RTL4: variants seen among roughly 807,000 people sequenced by gnomAD.
RTL4 encodes the protein retrotransposon Gag-like protein 4.
A neutral mutation model predicts 5.3 loss-of-function variants in RTL4; 4 were observed. The ratio of observed to expected loss-of-function variants is 0.75; its 90% CI spans 0.37 to 1.72. The LOEUF (loss-of-function observed/expected upper bound fraction) is 1.72. Ranked by LOEUF, RTL4 falls within the 40% of genes most tolerant of loss-of-function variation. The pLI is 0.04. For missense variants in RTL4, 260 were observed against 227.1 expected (o/e 1.14, Z -0.93); for synonymous variants, 98 against 87.3 (o/e 1.12, Z -0.68).
chrX:112,171,209 CT>C, the RTL4 span, among the ~76,000 whole-genome samples: 1 of 110,962 alleles, frequency 9.0e-6, no homozygotes, highest in East Asian at 2.8e-4. Context: ...CTGAAGTTTT[CT>C]TTTTTTGATT....
the RTL4 span, among the ~76,000 whole-genome samples, chrX:112,165,507 T>G: frequency 9.0e-6 from 1 of 111,486 alleles, no homozygotes; most frequent in Admixed American, 9.5e-5. Context: ...CCAATCAGCT[T>G]GAATCACCTA....
the RTL4 span, among the ~76,000 whole-genome samples, chrX:112,338,330 T>C: frequency 8.9e-6 from 1 of 111,922 alleles, no homozygotes; most frequent in Non-Finnish European, 1.9e-5. Context: ...TTTCAGAATC[T>C]CCTGCTCCCA....
chrX:112,264,181 T>A, the RTL4 span, among the ~76,000 whole-genome samples: 1 of 111,919 alleles, frequency 8.9e-6, no homozygotes, highest in Admixed American at 9.5e-5. Context: ...CTACTACTAC[T>A]AGTAATAAAT....
At chrX:112,352,096 G>A in the RTL4 span, among the ~76,000 whole-genome samples, 8 of 110,995 alleles carry the variant, frequency 7.2e-5, no homozygotes, top group Admixed American at 7.7e-4. Flanking sequence ...TTGCTTGTCT[G>A]TAAAGTATTT....
the RTL4 span, among the ~76,000 whole-genome samples, chrX:112,098,312 G>A: frequency 4.5e-5 from 5 of 110,854 alleles, no homozygotes; most frequent in African/African-American, 1.3e-4. Context: ...TGGCTGCATA[G>A]TATTCCATGG....
At chrX:112,284,292 GA>G in the RTL4 span, among the ~76,000 whole-genome samples, 82 of 105,696 alleles carry the variant, frequency 7.8e-4, no homozygotes, top group East Asian at 5.8e-3. Flanking sequence ...TGATATATGT[GA>G]AAAAAAAAAG....
At chrX:112,395,635 C>T in the RTL4 span, among the ~76,000 whole-genome samples, 1 of 111,568 alleles carries the variant, frequency 9.0e-6, no homozygotes, top group Non-Finnish European at 1.9e-5. Context: ...TTTTCGTAGA[C>T]TTGCCTATCT....
the RTL4 span, among the ~76,000 whole-genome samples, chrX:112,218,468 C>T: frequency 1.8e-5 from 2 of 111,937 alleles, no homozygotes; most frequent in Non-Finnish European, 1.9e-5. Flanking sequence ...TTATTTGTTT[C>T]CCAGTCTTCC....
At chrX:112,428,633 C>T in the RTL4 span, among the ~76,000 whole-genome samples, 1 of 111,624 alleles carries the variant, frequency 9.0e-6, no homozygotes, top group Admixed American at 9.5e-5. Context: ...ATCCTGCTGT[C>T]AGGTGAATTT....
chrX:112,193,480 G>T, the RTL4 span, among the ~76,000 whole-genome samples: 1 of 111,138 alleles, frequency 9.0e-6, no homozygotes, highest in Non-Finnish European at 1.9e-5. Flanking sequence ...CTTCTCTCTT[G>T]TTGCTTTCAA....
the RTL4 span, among the ~76,000 whole-genome samples, chrX:112,307,160 G>A: frequency 8.9e-6 from 1 of 112,179 alleles, no homozygotes. Flanking sequence ...GCAAAGAGCT[G>A]ATAATAGCTA....
chrX:112,241,162 C>T, the RTL4 span, among the ~76,000 whole-genome samples: 364 of 110,761 alleles, frequency 3.3e-3, no homozygotes, highest in Non-Finnish European at 5.1e-3. Flanking sequence ...TTTACAAATA[C>T]CATAAAGATT....
the RTL4 span, among the ~76,000 whole-genome samples, chrX:112,323,936 T>A: frequency 8.9e-6 from 1 of 112,388 alleles, no homozygotes; most frequent in Admixed American, 9.4e-5. Flanking sequence ...TATAAAGCTA[T>A]AATTAACATA....
chrX:112,200,187 T>C, the RTL4 span, among the ~76,000 whole-genome samples: 3 of 111,753 alleles, frequency 2.7e-5, no homozygotes, highest in African/African-American at 9.8e-5. Context: ...ACTTCAGGAA[T>C]TGGGCCTAAA....
At chrX:112,291,762 A>AT in the RTL4 span, among the ~76,000 whole-genome samples, 1 of 110,342 alleles carries the variant, frequency 9.1e-6, no homozygotes, top group African/African-American at 3.3e-5. Flanking sequence ...AGGCCAGCCA[A>AT]TTTTTTGTAT....
the RTL4 span, among the ~76,000 whole-genome samples, chrX:112,303,560 G>C: frequency 1.2e-5 from 1 of 83,912 alleles, no homozygotes; most frequent in Non-Finnish European, 2.2e-5. Flanking sequence ...TGAACAATGA[G>C]AACACATGGA....
At chrX:112,115,106 C>T in the RTL4 span, among the ~76,000 whole-genome samples, 8 of 110,852 alleles carry the variant, frequency 7.2e-5, no homozygotes, top group South Asian at 1.6e-3. Flanking sequence ...AAACTGCCTG[C>T]GGTTCTGATT....
chrX:112,447,866 A>G, the RTL4 span, among the ~76,000 whole-genome samples: 2 of 112,004 alleles, frequency 1.8e-5, no homozygotes, highest in South Asian at 7.6e-4. Flanking sequence ...TAATACAGAG[A>G]GTCTTAAACA....
the RTL4 span, among the ~76,000 whole-genome samples, chrX:112,368,503 G>A: frequency 4.5e-5 from 5 of 111,060 alleles, no homozygotes; most frequent in African/African-American, 1.6e-4. Context: ...CAGGGATTTT[G>A]ACCCCCACCC....
Sources: gnomAD v4.1 joint callset for allele counts (sites outside exome capture counted in the v4.1 genomes callset) on GRCh38, gnomAD v4.1.1 for gene constraint, MANE v1.5 for transcripts, NCBI Gene and HGNC (gene_info 2026-07-23, HGNC 2026-07-21) for gene names.